ZNF521: variants seen among roughly 807,000 people sequenced by gnomAD.
ZNF521 encodes zinc finger protein 521.
ZNF521 carries 14 observed loss-of-function variants against 105.5 expected under a neutral mutation model. The observed-to-expected ratio is 0.13, with a 90% CI of 0.09 to 0.21. The LOEUF (loss-of-function observed/expected upper bound fraction) is 0.21, where lower values mean the gene tolerates loss of function less well. Ranked by LOEUF, ZNF521 falls within the 10% of genes least tolerant of loss-of-function variation. ZNF521 has a pLI of 1.00. For missense variants in ZNF521, 1,233 were observed against 1,629.7 expected, an observed-to-expected ratio of 0.76 and a Z score of 4.19; for synonymous variants, 635 against 606.0, an observed-to-expected ratio of 1.05 and a Z score of -0.70.
intron 5 of ZNF521, among the ~76,000 whole-genome samples, chr18:25,138,968 G>T (rs1287882653): frequency 2.6e-5 from 4 of 152,152 alleles, no homozygotes; most frequent in African/African-American, 9.7e-5. Flanking sequence ...TTTAGCTGCT[G>T]GGATATTTTT....
intron 4 of ZNF521, among the ~76,000 whole-genome samples, chr18:25,195,605 G>A (rs977351003): frequency 6.6e-6 from 1 of 151,604 alleles, no homozygotes; most frequent in South Asian, 2.1e-4. Context: ...AGAAACCAGT[G>A]TCTTTGAAGA....
intron 4 of ZNF521, among the ~76,000 whole-genome samples, chr18:25,198,943 T>C (rs1168880007): frequency 6.6e-6 from 1 of 151,998 alleles, no homozygotes; most frequent in Non-Finnish European, 1.5e-5. Context: ...TACATTTAGC[T>C]GATGGTAATT....
chr18:25,135,307 T>TGTGC (rs2034713236), intron 5 of ZNF521, among the ~76,000 whole-genome samples: 1 of 151,746 alleles, frequency 6.6e-6, no homozygotes, highest in Admixed American at 6.6e-5. Context: ...TGTGTGTGTG[T>TGTGC]GTGTATGTCT....
chr18:25,212,239 T>C lies in ZNF521; in HGVS notation c.3573+12106A>G, dbSNP rs919618009. ...TAAAAAATATTTTAATGGCCGGGCA[T>C]GGTGGCTCACGCCTGTAATCCTAGC... On this transcript the variant is annotated intron_variant, in intron 4 of 7. Coordinates refer to ENST00000361524, the MANE Select transcript of ZNF521 (RefSeq NM_015461.3). Among the ~76,000 whole-genome samples, 46 of 151,854 alleles carry C rather than the reference T, an allele frequency of 3.0e-4. No homozygotes were observed. The South Asian group carries it at 3.7e-3, about 12-fold the overall frequency.
intron 3 of ZNF521, among the ~76,000 whole-genome samples, chr18:25,230,006 G>C (rs1906430523): frequency 6.6e-6 from 1 of 152,190 alleles, no homozygotes; most frequent in Non-Finnish European, 1.5e-5. Flanking sequence ...TCAGGTTCTT[G>C]TCTGTGGTCC....
intron 2 of ZNF521, among the ~76,000 whole-genome samples, chr18:25,327,202 T>C (rs567936515): frequency 1.3e-4 from 20 of 152,318 alleles, no homozygotes; most frequent in South Asian, 8.3e-4. Flanking sequence ...GGATATTGTC[T>C]GAAATTAAAA....
chr18:25,112,504 T>C (rs559063383), intron 5 of ZNF521, among the ~76,000 whole-genome samples: 1 of 152,292 alleles, frequency 6.6e-6, no homozygotes, highest in East Asian at 1.9e-4. Context: ...CTAAATAAAA[T>C]TTATTGATGA....
At chr18:25,318,020 T>C (rs544516622) in intron 3 of ZNF521, among the ~76,000 whole-genome samples, 2 of 151,906 alleles carry the variant, frequency 1.3e-5, no homozygotes, top group East Asian at 3.9e-4. Context: ...ATATAGAAGG[T>C]TGACTATTAT....
chr18:25,196,491 A>G (rs928343701), intron 4 of ZNF521, among the ~76,000 whole-genome samples: 1 of 150,810 alleles, frequency 6.6e-6, no homozygotes, highest in Non-Finnish European at 1.5e-5. Flanking sequence ...AATTTTTCCT[A>G]ATTATTGTAA....
chr18:25,148,876 A>T (rs1256367090), intron 5 of ZNF521, among the ~76,000 whole-genome samples: 2 of 152,250 alleles, frequency 1.3e-5, no homozygotes, highest in African/African-American at 4.8e-5. Context: ...TCAATATAAT[A>T]GCTTGGTGCT....
At chr18:25,063,107 C>A (rs1044358813) in intron 7 of ZNF521, among the ~76,000 whole-genome samples, 8 of 152,180 alleles carry the variant, frequency 5.3e-5, no homozygotes, top group Admixed American at 2.0e-4. Context: ...ACCCTCCCGC[C>A]ATCCATCATC....
At chr18:25,351,936 G>T in intron 1 of ZNF521, 69 bp downstream of exon 1, 1 of 303,454 alleles carries the variant, frequency 3.3e-6, no homozygotes. Flanking sequence ...GCAGGAGGAG[G>T]AGGAGGAGGA....
chr18:25,166,837 T>A (rs1275020158), intron 5 of ZNF521, among the ~76,000 whole-genome samples: 1 of 152,198 alleles, frequency 6.6e-6, no homozygotes, highest in Non-Finnish European at 1.5e-5. Flanking sequence ...ACTCCACCTA[T>A]AACTGTATGA....
intron 7 of ZNF521, among the ~76,000 whole-genome samples, chr18:25,077,290 C>T (rs890983861): frequency 6.6e-6 from 1 of 152,180 alleles, no homozygotes; most frequent in Non-Finnish European, 1.5e-5. Context: ...GTTCTGCCTT[C>T]CCGTTCCCCT....
At chr18:25,066,868 A>G (rs1188139190) in intron 7 of ZNF521, among the ~76,000 whole-genome samples, 1 of 152,246 alleles carries the variant, frequency 6.6e-6, no homozygotes, top group Non-Finnish European at 1.5e-5. Context: ...AGAACAAAGC[A>G]GTGGGTAATC....
intron 5 of ZNF521, among the ~76,000 whole-genome samples, chr18:25,112,493 G>T (rs1468511739): frequency 1.3e-5 from 2 of 152,098 alleles, no homozygotes; most frequent in African/African-American, 4.8e-5. Flanking sequence ...TAGCTAAACT[G>T]CTAAATAAAA....
At chr18:25,168,070 T>C (rs2035378798) in intron 5 of ZNF521, among the ~76,000 whole-genome samples, 2 of 152,296 alleles carry the variant, frequency 1.3e-5, no homozygotes, top group African/African-American at 4.8e-5. Context: ...CTTCTGCAGA[T>C]CCATTTCCTC....
chr18:25,165,379 A>G (rs1192682159), intron 5 of ZNF521, among the ~76,000 whole-genome samples: 1 of 152,204 alleles, frequency 6.6e-6, no homozygotes, highest in East Asian at 1.9e-4. Flanking sequence ...AGAAGTCTTC[A>G]GTAATTCAAT....
chr18:25,079,867 A>G (rs2033453718), intron 7 of ZNF521, among the ~76,000 whole-genome samples: 2 of 152,236 alleles, frequency 1.3e-5, no homozygotes. Flanking sequence ...AAAGCACAGC[A>G]AAGCACACTG....
Sources: gnomAD v4.1 joint callset for allele counts (sites outside exome capture counted in the v4.1 genomes callset) on GRCh38, gnomAD v4.1.1 for gene constraint, MANE v1.5 for transcripts, NCBI Gene and HGNC (gene_info 2026-07-23, HGNC 2026-07-21) for gene names.